Variants in CCSER1 observed in about 807,000 individuals in gnomAD.
CCSER1 encodes the protein coiled-coil serine rich protein 1, also known as serine-rich coiled-coil domain-containing protein 1.
In CCSER1, 41 loss-of-function variants were observed where a neutral mutation model predicts 82.0. That is an observed-to-expected ratio of 0.50 (90% CI 0.39 to 0.65). The LOEUF (loss-of-function observed/expected upper bound fraction) is 0.65, where lower values mean the gene tolerates loss of function less well. Ranked by LOEUF, CCSER1 falls within the 30% of genes least tolerant of loss-of-function variation. CCSER1 has a pLI of 0.00. For synonymous variants in CCSER1, 414 were observed against 383.9 expected (o/e 1.08, Z -0.92); for missense variants, 1,119 against 1,064.2 (o/e 1.05, Z -0.72).
chr4:90,360,637 A>G (rs890933599), intron 3 of CCSER1, among the ~76,000 whole-genome samples: 6 of 150,156 alleles, frequency 4.0e-5, no homozygotes, highest in Non-Finnish European at 8.9e-5. Flanking sequence ...GGAGCTTGGA[A>G]ACGTAGAAGC....
chr4:90,284,494 A>ACT (rs1729485469), intron 1 of CCSER1, among the ~76,000 whole-genome samples: 1 of 137,296 alleles, frequency 7.3e-6, no homozygotes, highest in African/African-American at 2.8e-5. Flanking sequence ...CTTTGAATTG[A>ACT]TTTTTTTTTT....
At chr4:91,188,820 A>G (rs1216131018) in intron 10 of CCSER1, among the ~76,000 whole-genome samples, 4 of 152,206 alleles carry the variant, frequency 2.6e-5, no homozygotes, top group African/African-American at 9.6e-5. Flanking sequence ...ACTGGGCTAT[A>G]TGCCTGTCAG....
Position 90,953,294 on chromosome 4 carries a change from A to G in CCSER1, c.2172+29847A>G, listed in dbSNP as rs1272221722. On this transcript the variant is annotated intron_variant, in intron 9 of 10. Coordinates refer to ENST00000509176, the MANE Select transcript of CCSER1 (RefSeq NM_001145065.2). ...AGAACATCAAGGAAAAAATTTTTTC[A>G]ACTTTAATTTTAGGAAAGCAATTCT... Among the ~76,000 whole-genome samples the G allele has an allele frequency of 3.3e-5, 5 of 152,048 alleles. No homozygotes were observed. In the East Asian group the frequency reaches 9.6e-4, roughly 29 times the overall value.
chr4:90,490,203 T>A (rs1767759543), intron 5 of CCSER1, among the ~76,000 whole-genome samples: 1 of 152,194 alleles, frequency 6.6e-6, no homozygotes, highest in African/African-American at 2.4e-5. Flanking sequence ...GACTTTTTAA[T>A]GATTGCCATT....
intron 8 of CCSER1, among the ~76,000 whole-genome samples, chr4:90,873,765 T>A (rs1766856380): frequency 6.6e-6 from 1 of 152,084 alleles, no homozygotes; most frequent in Non-Finnish European, 1.5e-5. Flanking sequence ...AAAGCTAACA[T>A]TTGGGGACAA....
At chr4:90,580,308 G>T (rs182940367) in intron 5 of CCSER1, among the ~76,000 whole-genome samples, 1 of 152,158 alleles carries the variant, frequency 6.6e-6, no homozygotes, top group Admixed American at 6.5e-5. Flanking sequence ...AAGTCATTTT[G>T]CCTTTCTATA....
chr4:90,490,315 GTCT>G (rs1379829730), intron 5 of CCSER1, among the ~76,000 whole-genome samples: 1 of 152,090 alleles, frequency 6.6e-6, no homozygotes, highest in Non-Finnish European at 1.5e-5. Context: ...CTGCATAAAT[GTCT>G]TCTTTTAAGA....
chr4:90,811,324 C>T (rs754792156), intron 7 of CCSER1, among the ~76,000 whole-genome samples: 4 of 151,968 alleles, frequency 2.6e-5, no homozygotes, highest in Non-Finnish European at 4.4e-5. Context: ...CTTGCAGCTC[C>T]GGAAATAAGC....
intron 1 of CCSER1, among the ~76,000 whole-genome samples, chr4:90,154,793 G>C (rs1211834767): frequency 6.7e-6 from 1 of 149,818 alleles, no homozygotes; most frequent in East Asian, 2.0e-4. Flanking sequence ...AGACAATGGG[G>C]TTTTCTAGAT....
At chr4:90,470,125 G>T (rs1182018952) in intron 5 of CCSER1, among the ~76,000 whole-genome samples, 4 of 152,148 alleles carry the variant, frequency 2.6e-5, no homozygotes, top group Non-Finnish European at 4.4e-5. Context: ...TTTAAGTAAA[G>T]CTACCATCAT....
intron 10 of CCSER1, among the ~76,000 whole-genome samples, chr4:91,197,440 G>A (rs73836871): frequency 6.6e-5 from 10 of 152,164 alleles, no homozygotes. Context: ...TGTTAGTAGT[G>A]TGGAGCCGCA....
At chr4:90,972,888 C>T (rs1391835474) in intron 9 of CCSER1, among the ~76,000 whole-genome samples, 2 of 151,588 alleles carry the variant, frequency 1.3e-5, no homozygotes, top group African/African-American at 4.8e-5. Context: ...TGACAAAAGT[C>T]CCAAAAGCAT....
intron 10 of CCSER1, among the ~76,000 whole-genome samples, chr4:91,192,928 C>A (rs546742596): frequency 1.2e-4 from 18 of 152,240 alleles, no homozygotes; most frequent in African/African-American, 4.3e-4. Context: ...TTTTTCCTGA[C>A]TGAAATGTCA....
intron 4 of CCSER1, among the ~76,000 whole-genome samples, chr4:90,416,536 G>A (rs1449771275): frequency 6.6e-6 from 1 of 152,082 alleles, no homozygotes; most frequent in East Asian, 1.9e-4. Flanking sequence ...CTATCTAAAT[G>A]AGTGACATGC....
intron 10 of CCSER1, among the ~76,000 whole-genome samples, chr4:91,408,244 CT>C (rs1316722991): frequency 3.3e-5 from 5 of 152,192 alleles, no homozygotes; most frequent in Admixed American, 6.5e-5. Context: ...TTGAAAACCT[CT>C]TACCTTTTAT....
intron 10 of CCSER1, among the ~76,000 whole-genome samples, chr4:91,372,320 T>C (rs1413132740): frequency 1.3e-5 from 2 of 152,130 alleles, no homozygotes; most frequent in African/African-American, 2.4e-5. Context: ...ATACATAGGA[T>C]AATCTCATTC....
chr4:90,645,474 GT>G (rs1335085131), intron 6 of CCSER1, among the ~76,000 whole-genome samples: 7 of 152,052 alleles, frequency 4.6e-5, no homozygotes. Context: ...AGTCTTCAAG[GT>G]GACATTTTAT....
At chr4:90,822,877 CAA>C (rs1759949749) in intron 8 of CCSER1, among the ~76,000 whole-genome samples, 1 of 151,590 alleles carries the variant, frequency 6.6e-6, no homozygotes, top group Non-Finnish European at 1.5e-5. Context: ...ATTATTTAAA[CAA>C]AAAAGCAAAA....
intron 10 of CCSER1, among the ~76,000 whole-genome samples, chr4:91,445,698 T>G (rs1755513810): frequency 6.6e-6 from 1 of 152,148 alleles, no homozygotes; most frequent in Admixed American, 6.6e-5. Context: ...CTATCATTTA[T>G]CTTTCAATCT....
Sources: allele counts gnomAD v4.1 joint callset (sites outside exome capture counted in the v4.1 genomes callset), GRCh38; gene constraint gnomAD v4.1.1; transcripts MANE v1.5; gene names NCBI Gene and HGNC (gene_info 2026-07-23, HGNC 2026-07-21).